PIK3C3: variants seen among roughly 807,000 people sequenced by gnomAD.
PIK3C3 encodes phosphatidylinositol 3-kinase catalytic subunit type 3.
Under a neutral mutation model 126.1 loss-of-function variants are expected in PIK3C3, and 95 were observed. The ratio of observed to expected loss-of-function variants is 0.75; its 90% CI spans 0.64 to 0.89. The LOEUF is 0.89. Among genes scored for constraint, PIK3C3 ranks in the 40% least tolerant of loss-of-function variants. PIK3C3 has a pLI of 0.00. For synonymous variants in PIK3C3, 374 were observed against 360.0 expected (o/e 1.04, Z -0.44); for missense variants, 829 against 1,063.2 (o/e 0.78, Z 3.06).
intron 14 of PIK3C3, among the ~76,000 whole-genome samples, chr18:42,028,460 A>G (rs977478941): frequency 9.2e-5 from 14 of 152,240 alleles, no homozygotes; most frequent in African/African-American, 3.1e-4. Flanking sequence ...AAGCTACCAC[A>G]CATTAATCTG....
rs1243328807 is a variant in PIK3C3, at chr18:42,086,359, G to A, written c.*5222G>A. 6.6e-6 allele frequency: 1 copy of A among 152,158 alleles called. No individual in the cohort carries two copies. The highest frequency in any genetic ancestry group is 1.5e-5 in the Non-Finnish European group (1 of 68,154). 9.4% of individuals were successfully genotyped at this position (152,158 alleles called of 1,614,324 possible). A position where few individuals can be genotyped will look rare whatever the true frequency, so the allele number is the denominator to read the frequency against. On this transcript the variant is annotated 3_prime_UTR_variant, in exon 25 of 25. Transcript: ENST00000262039. The stretch of plus-strand genomic sequence containing the variant: ...TTTCCCCAAACCTCAGAACTCCTTG[G>A]GCCATCACTGTCAGAGACATTTGAA...
chr18:42,028,559 A>G (rs1315587709), intron 14 of PIK3C3, among the ~76,000 whole-genome samples: 2 of 152,164 alleles, frequency 1.3e-5, no homozygotes, highest in South Asian at 2.1e-4. Context: ...ATCTTATTAA[A>G]CACTTTGAGA....
intron 13 of PIK3C3, among the ~76,000 whole-genome samples, chr18:42,024,743 T>C (rs1008013221): frequency 6.6e-6 from 1 of 152,006 alleles, no homozygotes; most frequent in Non-Finnish European, 1.5e-5. Flanking sequence ...CAGACTTGAA[T>C]GATTTTTGAG....
chr18:42,063,380 G>A (rs1985402401), intron 22 of PIK3C3, among the ~76,000 whole-genome samples: 1 of 152,248 alleles, frequency 6.6e-6, no homozygotes, highest in Non-Finnish European at 1.5e-5. Context: ...GTGTTTGTTG[G>A]TTGAATGAAT....
chr18:42,071,655 G>C (rs1985777604), intron 24 of PIK3C3, among the ~76,000 whole-genome samples: 1 of 151,756 alleles, frequency 6.6e-6, no homozygotes, highest in Non-Finnish European at 1.5e-5. Flanking sequence ...AGGAGGCAGA[G>C]GTTGCAGTGA....
chr18:42,029,462 T>C, intron 15 of PIK3C3, 21 bp downstream of exon 15: 1 of 1,358,044 alleles, frequency 7.4e-7, no homozygotes, highest in Middle Eastern at 1.8e-4. Flanking sequence ...GGTGTATGCT[T>C]TTGTTCCTAA....
At chr18:42,008,530 T>C (rs1489794162) in intron 10 of PIK3C3, among the ~76,000 whole-genome samples, 1 of 152,106 alleles carries the variant, frequency 6.6e-6, no homozygotes, top group South Asian at 2.1e-4. Context: ...AAATGGGAAG[T>C]CACTAAGTGA....
At chr18:42,029,282 T>C (rs1983711837) in intron 14 of PIK3C3, 43 bp from the exon 15 acceptor site, 3 of 1,145,558 alleles carry the variant, frequency 2.6e-6, no homozygotes, top group Non-Finnish European at 4.0e-6. Flanking sequence ...TCCAGATCAT[T>C]ACGCAACATA....
intron 24 of PIK3C3, among the ~76,000 whole-genome samples, chr18:42,079,369 C>T (rs1049068307): frequency 5.3e-5 from 8 of 152,176 alleles, no homozygotes; most frequent in African/African-American, 9.7e-5. Context: ...TATGCAGACA[C>T]GGTTCGTGGT....
At chr18:41,995,551 G>C (rs1210214372) in intron 7 of PIK3C3, among the ~76,000 whole-genome samples, 3 of 152,130 alleles carry the variant, frequency 2.0e-5, no homozygotes, top group Non-Finnish European at 4.4e-5. Context: ...AGGAAGGAAT[G>C]CTTTAGTCTA....
At chr18:42,049,261 T>C (rs1984688426) in intron 20 of PIK3C3, 6 of 279,296 alleles carry the variant, frequency 2.1e-5, no homozygotes, top group African/African-American at 1.3e-4. Context: ...TAGGCCCATG[T>C]TATAATTTAA....
Position 42,076,149 on chromosome 18 carries a change from T to TATATATATGCGC in PIK3C3, c.2650-4966_2650-4965insGCGCATATATAT, listed in dbSNP as rs1555643416. Among the ~76,000 whole-genome samples the TATATATATGCGC allele has an allele frequency of 2.4e-3, 215 of 88,584 alleles. 14 individuals carry two copies. The highest frequency in any genetic ancestry group is 0.014 in the African/African-American group (205 of 15,076). 58.1% of individuals were successfully genotyped at this position (88,584 alleles called of 152,430 possible). A position where few individuals can be genotyped will look rare whatever the true frequency, so the allele number is the denominator to read the frequency against. The stretch of plus-strand genomic sequence containing the variant: ...GCATATATATATATATATATGCGCA[T>TATATATATGCGC]ATATATATATATGCACATATATATA... On this transcript the variant is annotated intron_variant, in intron 24 of 24. Coordinates refer to ENST00000262039, the MANE Select transcript of PIK3C3 (RefSeq NM_002647.4).
intron 24 of PIK3C3, among the ~76,000 whole-genome samples, chr18:42,077,054 T>C (rs1233074804): frequency 1.3e-5 from 2 of 152,250 alleles, no homozygotes; most frequent in East Asian, 3.8e-4. Flanking sequence ...TCCAGACCAC[T>C]GCAATAAATG....
At chr18:42,049,174 T>C (rs1984685226) in intron 20 of PIK3C3, 1 of 163,760 alleles carries the variant, frequency 6.1e-6, no homozygotes, top group Non-Finnish European at 1.3e-5. Context: ...TATGTTATCT[T>C]ACAGATAACA....
chr18:42,059,032 TTGTG>T (rs768652359), intron 22 of PIK3C3, among the ~76,000 whole-genome samples: 1 of 152,202 alleles, frequency 6.6e-6, no homozygotes, highest in Non-Finnish European at 1.5e-5. Flanking sequence ...TAGGCACTCA[TTGTG>T]TGTTTATTCA....
At chr18:42,071,262 G>A (rs667503) in intron 24 of PIK3C3, among the ~76,000 whole-genome samples, 50,011 of 151,998 alleles carry the variant, frequency 0.33, 9,000 homozygotes, top group African/African-American at 0.47. Flanking sequence ...TAGCTCTCCA[G>A]TTTACAGTGA....
At chr18:41,988,696 A>C (rs1049162319) in intron 5 of PIK3C3, among the ~76,000 whole-genome samples, 8 of 152,142 alleles carry the variant, frequency 5.3e-5, no homozygotes, top group Admixed American at 1.3e-4. Flanking sequence ...AGATTTTAGC[A>C]TTATTCTTTT....
intron 20 of PIK3C3, among the ~76,000 whole-genome samples, chr18:42,047,437 C>G (rs1220273913): frequency 6.6e-6 from 1 of 152,002 alleles, no homozygotes; most frequent in Non-Finnish European, 1.5e-5. Flanking sequence ...ATTTAATATC[C>G]CTCAGTAAGT....
At chr18:42,040,986 C>T (rs56680148) in intron 19 of PIK3C3, among the ~76,000 whole-genome samples, 25,922 of 152,014 alleles carry the variant, frequency 0.17, 2,462 homozygotes, top group East Asian at 0.29. Context: ...TTGGTGAACA[C>T]AGCCTGGCCA....
Sources: gnomAD v4.1 joint callset for allele counts (sites outside exome capture counted in the v4.1 genomes callset) on GRCh38, gnomAD v4.1.1 for gene constraint, MANE v1.5 for transcripts, NCBI Gene and HGNC (gene_info 2026-07-23, HGNC 2026-07-21) for gene names.